Variants in PLD5 observed in about 807,000 individuals in gnomAD.
PLD5 encodes phospholipase D family member 5.
A neutral mutation model predicts 61.1 loss-of-function variants in PLD5; 36 were observed. The ratio of observed to expected loss-of-function variants is 0.59; its 90% CI spans 0.45 to 0.78. The LOEUF (loss-of-function observed/expected upper bound fraction) is 0.78. Ranked by LOEUF, PLD5 falls within the 30% of genes least tolerant of loss-of-function variation. The pLI is 0.00. For synonymous variants in PLD5, 243 were observed against 242.8 expected (o/e 1.00, Z -0.01); for missense variants, 515 against 644.4 (o/e 0.80, Z 2.17).
At chr1:242,240,021 C>T (rs1481684656) in intron 4 of PLD5, among the ~76,000 whole-genome samples, 2 of 152,112 alleles carry the variant, frequency 1.3e-5, no homozygotes, top group African/African-American at 4.8e-5. Flanking sequence ...TCTGAGTGGC[C>T]CTTAGATTTT....
chr1:242,389,411 C>G (rs1662789919), intron 1 of PLD5, among the ~76,000 whole-genome samples: 1 of 151,966 alleles, frequency 6.6e-6, no homozygotes, highest in African/African-American at 2.4e-5. Context: ...GTTGGGCCAT[C>G]AATGTAATAA....
At chr1:242,449,278 C>T in intron 1 of PLD5, 7 of 1,525,812 alleles carry the variant, frequency 4.6e-6, no homozygotes, top group East Asian at 2.4e-5. Flanking sequence ...TACCAACAGC[C>T]ATTTTCACCA....
At chr1:242,198,485 G>T (rs2148949763) in intron 5 of PLD5, among the ~76,000 whole-genome samples, 1 of 151,684 alleles carries the variant, frequency 6.6e-6, no homozygotes, top group East Asian at 1.9e-4. Context: ...CTGCTGATCA[G>T]AGTAAAAACT....
In PLD5 at chr1:242,473,895, T is replaced by A. The variant is rs547265881; in HGVS notation, c.189+50193A>T. Among the ~76,000 whole-genome samples the A allele has an allele frequency of 8.7e-4, 133 of 152,320 alleles. 2 individuals carry two copies. The highest frequency in any genetic ancestry group is 3.0e-3 in the African/African-American group (126 of 41,572). On this transcript the variant is annotated intron_variant, in intron 1 of 9. Transcript: ENST00000536534. ...AATAATGAGTACCACTGAGTTTTTT[T>A]AAAAATGAGTTTCAACTGTTCAATG...
intron 3 of PLD5, among the ~76,000 whole-genome samples, chr1:242,279,661 G>A (rs553711816): frequency 2.6e-5 from 4 of 152,036 alleles, no homozygotes; most frequent in African/African-American, 9.6e-5. Flanking sequence ...AGCCTCCTAA[G>A]TACCTGGGAC....
At chr1:242,370,473 A>C (rs1354652195) in intron 1 of PLD5, among the ~76,000 whole-genome samples, 2 of 152,086 alleles carry the variant, frequency 1.3e-5, no homozygotes, top group African/African-American at 4.8e-5. Flanking sequence ...TAGATGTGCC[A>C]TTCTAATAGT....
At chr1:242,314,029 G>T (rs562955526) in intron 2 of PLD5, among the ~76,000 whole-genome samples, 1 of 152,252 alleles carries the variant, frequency 6.6e-6, no homozygotes, top group African/African-American at 2.4e-5. Context: ...CACCTGAGAA[G>T]CAACTAGCAA....
rs1663306894 is a variant in PLD5 at position 242,394,692 on chromosome 1, G to GCA, written c.190-46451_190-46450insTG. Among the ~76,000 whole-genome samples, 2 of 48,710 alleles carry GCA rather than the reference G, an allele frequency of 4.1e-5. 1 individual carries two copies. The highest frequency in any genetic ancestry group is 7.4e-4 in the Admixed American group (2 of 2,702). 32.0% of individuals were successfully genotyped at this position (48,710 alleles called of 152,430 possible). On this transcript the variant is annotated intron_variant, in intron 1 of 9. Transcript: ENST00000536534. ...TGTGTATATATGTGAACATATATGT[G>GCA]TATATATGTGAACATATATGTGTAT...
intron 4 of PLD5, among the ~76,000 whole-genome samples, chr1:242,255,676 T>C (rs1433749954): frequency 1.3e-5 from 2 of 152,184 alleles, no homozygotes; most frequent in South Asian, 2.1e-4. Flanking sequence ...GCCTAATCCA[T>C]GAATGTGAAA....
intron 4 of PLD5, among the ~76,000 whole-genome samples, chr1:242,248,394 A>G (rs1672513407): frequency 6.6e-6 from 1 of 152,150 alleles, no homozygotes; most frequent in Non-Finnish European, 1.5e-5. Context: ...GTGTATATCT[A>G]TGTAACAAAC....
intron 4 of PLD5, among the ~76,000 whole-genome samples, chr1:242,234,117 T>C (rs974334975): frequency 1.3e-5 from 2 of 152,208 alleles, no homozygotes; most frequent in Non-Finnish European, 2.9e-5. Context: ...TTTCAATATT[T>C]ATTCTTCTTC....
intron 1 of PLD5, among the ~76,000 whole-genome samples, chr1:242,440,300 G>C (rs1003339456): frequency 1.3e-5 from 2 of 152,166 alleles, no homozygotes; most frequent in East Asian, 3.9e-4. Context: ...AAGCATGTAG[G>C]AGCTTGAAAG....
chr1:242,315,844 C>T (rs1676974475), intron 2 of PLD5, among the ~76,000 whole-genome samples: 1 of 152,178 alleles, frequency 6.6e-6, no homozygotes, highest in Non-Finnish European at 1.5e-5. Flanking sequence ...CAGAGATCTG[C>T]TTTAAGACTC....
chr1:242,451,351 A>T (rs1279852388), intron 1 of PLD5, among the ~76,000 whole-genome samples: 1 of 151,950 alleles, frequency 6.6e-6, no homozygotes, highest in Admixed American at 6.6e-5. Flanking sequence ...ACATTGAATC[A>T]TACATTGTCT....
intron 2 of PLD5, among the ~76,000 whole-genome samples, chr1:242,331,904 T>C (rs1034977998): frequency 5.9e-5 from 9 of 152,194 alleles, no homozygotes; most frequent in African/African-American, 2.2e-4. Flanking sequence ...TTTATTATTA[T>C]ACTTCATGTC....
intron 4 of PLD5, among the ~76,000 whole-genome samples, chr1:242,242,004 T>TAGACACACACACAC (rs1377532947): frequency 3.0e-5 from 4 of 132,854 alleles, no homozygotes; most frequent in African/African-American, 1.2e-4. Context: ...TATATATATA[T>TAGACACACACACAC]ATATATAGAC....
chr1:242,524,013 G>C (rs1239896190), intron 1 of PLD5, 75 bp downstream of exon 1: 12 of 1,427,896 alleles, frequency 8.4e-6, no homozygotes, highest in Non-Finnish European at 1.1e-5. Context: ...CCCCGCGCGC[G>C]CTCATGCCAC....
intron 6 of PLD5, among the ~76,000 whole-genome samples, chr1:242,118,260 C>T (rs996341006): frequency 2.0e-5 from 3 of 152,182 alleles, no homozygotes; most frequent in African/African-American, 7.2e-5. Flanking sequence ...ACACACCTTT[C>T]ATACTGGTTT....
chr1:242,437,550 A>G (rs1275900806), intron 1 of PLD5, among the ~76,000 whole-genome samples: 1 of 152,068 alleles, frequency 6.6e-6, no homozygotes, highest in Non-Finnish European at 1.5e-5. Flanking sequence ...CACAAAAATT[A>G]GCCAGGTGTG....
Sources: gnomAD v4.1 joint callset for allele counts (sites outside exome capture counted in the v4.1 genomes callset) on GRCh38, gnomAD v4.1.1 for gene constraint, MANE v1.5 for transcripts, NCBI Gene and HGNC (gene_info 2026-07-23, HGNC 2026-07-21) for gene names.